The following ABCB11 variants were observed in gnomAD, a reference collection of about 807,000 sequenced individuals.
The protein encoded by ABCB11 is bile salt export pump.
In ABCB11, 95 loss-of-function variants were observed where a neutral mutation model predicts 148.0. That is an observed-to-expected ratio of 0.64 (90% CI 0.54 to 0.76). ABCB11 has a LOEUF of 0.76. Among genes scored for constraint, ABCB11 ranks in the 30% least tolerant of loss-of-function variants. The pLI is 0.00. For missense variants in ABCB11, 1,523 were observed against 1,617.8 expected, an observed-to-expected ratio of 0.94 and a Z score of 1.01; for synonymous variants, 591 against 555.4, an observed-to-expected ratio of 1.06 and a Z score of -0.90.
chr2:168,941,614 T>A (rs1345610865), intron 21 of ABCB11, among the ~76,000 whole-genome samples: 1 of 152,076 alleles, frequency 6.6e-6, no homozygotes, highest in Non-Finnish European at 1.5e-5. Flanking sequence ...AAATGCTATG[T>A]TAATAAAAGT....
intron 10 of ABCB11, among the ~76,000 whole-genome samples, chr2:168,985,403 C>T (rs1170510388): frequency 3.3e-5 from 5 of 152,034 alleles, no homozygotes; most frequent in Non-Finnish European, 7.4e-5. Flanking sequence ...TGGGTATCTA[C>T]CCAGAGGAAA....
At chr2:168,975,582 TATAAATAC>T (rs373457851) in intron 12 of ABCB11, among the ~76,000 whole-genome samples, 1 of 106,192 alleles carries the variant, frequency 9.4e-6, no homozygotes, top group African/African-American at 3.9e-5. Context: ...TAGATAAATA[TATAAATAC>T]ATAAATATTT....
At position 168,953,706 on chromosome 2, in the gene ABCB11, GC is replaced by G. The variant is rs527471694; in HGVS notation, c.2343+4257del. Among the ~76,000 whole-genome samples the G allele has an allele frequency of 3.2e-4, 48 of 151,420 alleles. 2 individuals carry two copies. Among genetic ancestry groups the G allele is most frequent in the Admixed American group, 2.5e-3 (38 of 15,162 alleles). On this transcript the variant is annotated intron_variant, in intron 19 of 27. Transcript: ENST00000650372. ...TTACATTTGTGAAAGGAAAATATGG[GC>G]CCCCAAAATCACTAAGCTAAAGAGA...
At chr2:169,000,645 C>T (rs966919545) in intron 5 of ABCB11, among the ~76,000 whole-genome samples, 7 of 152,102 alleles carry the variant, frequency 4.6e-5, no homozygotes, top group Non-Finnish European at 1.0e-4. Flanking sequence ...TATCTGTCCT[C>T]TGTCAATGCC....
At position 168,935,832 on chromosome 2, in the gene ABCB11, A is replaced by G. The variant is rs1011427067; in HGVS notation, c.2814+398T>C. Among the ~76,000 whole-genome samples the G allele has an allele frequency of 3.1e-4, 47 of 152,368 alleles. 1 individual carries two copies. The highest frequency in any genetic ancestry group is 1.0e-3 in the Admixed American group (16 of 15,308). On this transcript the variant is annotated intron_variant, in intron 22 of 27. Transcript: ENST00000650372. ...AGTATGAAGAGCAAAGGCATGTGCC[A>G]TTAAAACCATCATAGCTCCTGTGTG...
intron 4 of ABCB11, among the ~76,000 whole-genome samples, chr2:169,013,998 G>T (rs1695276280): frequency 6.6e-6 from 1 of 152,092 alleles, no homozygotes; most frequent in Non-Finnish European, 1.5e-5. Flanking sequence ...CTAAAGATTT[G>T]TCATAAGAAT....
intron 5 of ABCB11, among the ~76,000 whole-genome samples, chr2:169,010,542 G>A (rs368244295): frequency 6.6e-5 from 10 of 152,128 alleles, no homozygotes; most frequent in African/African-American, 2.4e-4. Flanking sequence ...GGGTTGTCTT[G>A]TATATTCTAA....
At position 168,964,449 on chromosome 2, in the gene ABCB11, C is replaced by A. The variant is rs146172807; in HGVS notation, c.2076-141G>T. The A allele has an allele frequency of 8.0e-4, 564 of 701,538 alleles. 3 individuals carry two copies. The African/African-American group carries it at 9.1e-3, about 11-fold the overall frequency. The allele number at this position is 701,538 out of a possible 1,614,324, so 43.5% of individuals were successfully genotyped here. Reference sequence around the variant, plus strand: ...CATGGTAACCAGGAAAGGGAGCTTGCAGGTTAGGTTTGACAGAGCTAATCT... The same window carrying A: ...CATGGTAACCAGGAAAGGGAGCTTGAAGGTTAGGTTTGACAGAGCTAATCT... On this transcript the variant is annotated intron_variant, in intron 17 of 27. Coordinates refer to ENST00000650372, the MANE Select transcript of ABCB11 (RefSeq NM_003742.4).
intron 27 of ABCB11, among the ~76,000 whole-genome samples, chr2:168,924,136 G>C (rs1451531595): frequency 1.3e-5 from 2 of 152,180 alleles, no homozygotes; most frequent in African/African-American, 4.8e-5. Context: ...TAGCAGTTAA[G>C]TGGCCATTCC....
At chr2:168,968,790 C>CAAAAAA (rs4148788) in intron 16 of ABCB11, among the ~76,000 whole-genome samples, 6 of 148,240 alleles carry the variant, frequency 4.0e-5, no homozygotes, top group African/African-American at 1.5e-4. Flanking sequence ...TCAGAAGTAG[C>CAAAAAA]AAAAAAAAAA....
In ABCB11 at chr2:168,958,047, A is replaced by C; in HGVS notation, c.2260T>G (p.Tyr754Asp). ...ILKFSAPEWP[Y>D]MLVGSVGAAV... ...GCACCCACAGACCCTACCAGCATGT[A>C]GGGCCATTCTGGAGCACTGAATTTC... Residue 754 changes from tyrosine (Y) to aspartate (D), a missense_variant, in exon 19 of 28, where the codon TAC becomes GAC. Physicochemically the swap from Tyr to Asp is radical, Grantham distance 160. Transcript: ENST00000650372. 6.2e-7 allele frequency: 1 copy of C among 1,611,408 alleles called. No individual in the cohort carries two copies. Among genetic ancestry groups the C allele is most frequent in the Non-Finnish European group, 8.5e-7 (1 of 1,178,322 alleles).
At chr2:168,955,607 G>A (rs1430925192) in intron 19 of ABCB11, among the ~76,000 whole-genome samples, 1 of 151,434 alleles carries the variant, frequency 6.6e-6, no homozygotes, top group Non-Finnish European at 1.5e-5. Flanking sequence ...GATTTGGGTG[G>A]GGACACAGAG....
chr2:168,999,108 C>T (rs1217706029), intron 5 of ABCB11, among the ~76,000 whole-genome samples: 1 of 151,996 alleles, frequency 6.6e-6, no homozygotes, highest in African/African-American at 2.4e-5. Context: ...ACAGCAAAAA[C>T]AGACCTGAAT....
intron 24 of ABCB11, 68 bp downstream of exon 24, chr2:168,932,309 T>A (rs1691605371): frequency 7.5e-7 from 1 of 1,339,928 alleles, no homozygotes. Context: ...GTTTCCAGCT[T>A]CATCCCTGTC....
chr2:168,946,958 T>C (rs1692350907), intron 19 of ABCB11, among the ~76,000 whole-genome samples: 1 of 151,828 alleles, frequency 6.6e-6, no homozygotes. Context: ...CTATCCATAA[T>C]CTTTTTTCAC....
chr2:168,987,437 T>C (rs1694365103), intron 9 of ABCB11, among the ~76,000 whole-genome samples: 1 of 152,186 alleles, frequency 6.6e-6, no homozygotes, highest in African/African-American at 2.4e-5. Context: ...TCAACACTAA[T>C]TTGTTTTTTG....
intron 4 of ABCB11, 67 bp downstream of exon 4, chr2:169,014,236 C>T: frequency 9.2e-7 from 1 of 1,087,918 alleles, no homozygotes. Flanking sequence ...AGATTTAACA[C>T]TCCCCTCATG....
intron 21 of ABCB11, 73 bp downstream of exon 21, chr2:168,944,532 T>C: frequency 1.4e-6 from 2 of 1,461,798 alleles, no homozygotes; most frequent in South Asian, 2.8e-5. Context: ...AACATGCAGG[T>C]GATTGTCAGA....
At position 168,923,801 on chromosome 2, in the gene ABCB11, T is replaced by C. The variant is rs972055625; in HGVS notation, c.3787A>G (p.Lys1263Glu). The change falls in exon 28 of 28, where the codon AAA becomes GAA. Residue 1263 changes from lysine (K) to glutamate (E), a missense_variant. By Grantham distance (56) the Lys-to-Glu change is moderately conservative (BLOSUM62 1). Coordinates refer to ENST00000650372, the MANE Select transcript of ABCB11 (RefSeq NM_003742.4). ...ATGCAGGTCCGACCCTCTCTGGCTT[T>C]GTCTAGAGCAACCTGCACCGTCTGC... ...SEKTVQVALD[K>E]AREGRTCIVI... The C allele has an allele frequency of 6.2e-7, 1 of 1,613,790 alleles. No homozygotes were observed. The highest frequency in any genetic ancestry group is 8.5e-7 in the Non-Finnish European group (1 of 1,179,882).
Sources: gnomAD v4.1 joint callset for allele counts (sites outside exome capture counted in the v4.1 genomes callset) on GRCh38, gnomAD v4.1.1 for gene constraint, MANE v1.5 for transcripts, NCBI Gene and HGNC (gene_info 2026-07-23, HGNC 2026-07-21) for gene names.